The following TMEM65 variants were observed in gnomAD, a reference collection of about 807,000 sequenced individuals.
The protein encoded by TMEM65 is transmembrane protein 65.
In TMEM65, 22 loss-of-function variants were observed where a neutral mutation model predicts 25.4. The observed-to-expected ratio is 0.86, with a 90% CI of 0.62 to 1.23. The LOEUF (loss-of-function observed/expected upper bound fraction) is 1.23, where lower values mean the gene tolerates loss of function less well. Among genes scored for constraint, TMEM65 ranks in the 50% most tolerant of loss-of-function variants. The probability of loss-of-function intolerance (pLI) is 0.00; values close to 1 mark genes in which losing one functional copy is unlikely to be tolerated. For missense variants in TMEM65, 262 were observed against 308.2 expected (o/e 0.85, Z 1.12); for synonymous variants, 132 against 126.2 (o/e 1.05, Z -0.31).
chr8:124,357,827 A>ATTT (rs1814804461), intron 1 of TMEM65, among the ~76,000 whole-genome samples: 1 of 75,262 alleles, frequency 1.3e-5, no homozygotes, highest in Admixed American at 1.9e-4. Context: ...TTACTTTTTT[A>ATTT]TCTTTTTTTT....
intron 6 of TMEM65, among the ~76,000 whole-genome samples, chr8:124,318,214 T>C (rs1814260833): frequency 6.6e-6 from 1 of 151,968 alleles, no homozygotes. Context: ...GGAAGTGGAT[T>C]CATCACCAAT....
chr8:124,333,897 G>A (rs1316245693), intron 1 of TMEM65, among the ~76,000 whole-genome samples: 1 of 152,158 alleles, frequency 6.6e-6, no homozygotes, highest in Non-Finnish European at 1.5e-5. Flanking sequence ...GAGGTGCCAG[G>A]TAACCAAACA....
rs924030243 is a variant in TMEM65 at position 124,306,586 on chromosome 8, C to T, written c.*7374G>A. 3 of 152,194 alleles carry T rather than the reference C, an allele frequency of 2.0e-5. No individual in the cohort carries two copies. Among genetic ancestry groups the T allele is most frequent in the Non-Finnish European group, 4.4e-5 (3 of 68,050 alleles). The allele number at this position is 152,194 out of a possible 1,614,324, so 9.4% of individuals were successfully genotyped here. ...CTAAGAAAAAGGTGTGTCATGAATTCATATAATATATGTAGACACTAGTCT... is the reference window on the plus strand; with the variant it reads ...CTAAGAAAAAGGTGTGTCATGAATTTATATAATATATGTAGACACTAGTCT... On this transcript the variant is annotated 3_prime_UTR_variant, in exon 7 of 7. Transcript: ENST00000297632.
intron 1 of TMEM65, among the ~76,000 whole-genome samples, chr8:124,350,706 G>C (rs1371706189): frequency 6.6e-6 from 1 of 152,010 alleles, no homozygotes; most frequent in Non-Finnish European, 1.5e-5. Context: ...TATTCTGAAG[G>C]TTCCACTGTG....
At chr8:124,316,613 A>T (rs1035655964) in intron 6 of TMEM65, among the ~76,000 whole-genome samples, 4 of 152,288 alleles carry the variant, frequency 2.6e-5, no homozygotes, top group African/African-American at 9.6e-5. Context: ...ACACACACAC[A>T]CTCAATATAG....
chr8:124,360,287 G>A lies in TMEM65; in HGVS notation c.304+11567C>T, dbSNP rs540057359. Among the ~76,000 whole-genome samples the A allele has an allele frequency of 5.9e-5, 9 of 151,964 alleles. No individual in the cohort carries two copies. The South Asian group carries it at 8.3e-4, about 14-fold the overall frequency. On this transcript the variant is annotated intron_variant, in intron 1 of 6. Coordinates refer to ENST00000297632, the MANE Select transcript of TMEM65 (RefSeq NM_194291.3). The stretch of plus-strand genomic sequence containing the variant: ...CTACTAAAAATGCAAAAAATTAGCC[G>A]GGCATGGTGGCGCGCGCCTGCAGCC...
At chr8:124,321,556 CA>C (rs909910638) in intron 5 of TMEM65, among the ~76,000 whole-genome samples, 1 of 151,990 alleles carries the variant, frequency 6.6e-6, no homozygotes, top group Non-Finnish European at 1.5e-5. Context: ...GTAAAGAGAG[CA>C]AAAAACAGCC....
chr8:124,369,509 C>T (rs1814983696), intron 1 of TMEM65, among the ~76,000 whole-genome samples: 1 of 152,122 alleles, frequency 6.6e-6, no homozygotes, highest in Non-Finnish European at 1.5e-5. Flanking sequence ...TTGCCTATGG[C>T]AAGAAATAGC....
chr8:124,350,258 T>C (rs1814690733), intron 1 of TMEM65, among the ~76,000 whole-genome samples: 1 of 152,092 alleles, frequency 6.6e-6, no homozygotes, highest in Non-Finnish European at 1.5e-5. Context: ...TTTATTTAAC[T>C]CTTATCCCTA....
chr8:124,312,740 T>C lies in TMEM65; in HGVS notation c.*1220A>G, dbSNP rs1814179845. ...AAATAAGTAACTTCAACCTAAAATA[T>C]GCTTTAAATACCACAAAAGAAGAAA... On this transcript the variant is annotated 3_prime_UTR_variant, in exon 7 of 7. Transcript: ENST00000297632. 1 of 151,814 alleles carries C rather than the reference T, an allele frequency of 6.6e-6. No individual in the cohort carries two copies. The allele number at this position is 151,814 out of a possible 1,614,324, so 9.4% of individuals were successfully genotyped here. A position where few individuals can be genotyped will look rare whatever the true frequency, so the allele number is the denominator to read the frequency against.
At chr8:124,371,799 C>T (rs1563602744) in intron 1 of TMEM65, 55 bp downstream of exon 1, 4 of 1,465,012 alleles carry the variant, frequency 2.7e-6, no homozygotes, top group African/African-American at 1.5e-5. Flanking sequence ...GGTGGGCTGG[C>T]GAGAAGAGGA....
At chr8:124,339,573 A>T (rs764158824) in intron 1 of TMEM65, among the ~76,000 whole-genome samples, 9 of 151,930 alleles carry the variant, frequency 5.9e-5, no homozygotes, top group Non-Finnish European at 1.2e-4. Flanking sequence ...TCTGAAGTAT[A>T]CCTCCAGGAG....
At chr8:124,357,228 G>GT (rs1256560605) in intron 1 of TMEM65, among the ~76,000 whole-genome samples, 2 of 151,930 alleles carry the variant, frequency 1.3e-5, no homozygotes, top group East Asian at 3.9e-4. Flanking sequence ...ACCTATATGG[G>GT]TAGAAGTCCC....
chr8:124,320,062 T>C (rs2131195988), intron 6 of TMEM65, 24 bp downstream of exon 6: 1 of 1,583,946 alleles, frequency 6.3e-7, no homozygotes, highest in East Asian at 2.2e-5. Flanking sequence ...CAACTCATTA[T>C]CATAAACCAT....
Position 124,330,950 on chromosome 8 carries a change from G to T in TMEM65, c.305-158C>A, listed in dbSNP as rs139992367. Among the ~76,000 whole-genome samples the T allele has an allele frequency of 8.6e-3, 1,306 of 152,046 alleles. 18 individuals carry two copies. Among genetic ancestry groups the T allele is most frequent in the African/African-American group, 0.028 (1,182 of 41,532 alleles). The stretch of plus-strand genomic sequence containing the variant: ...TTAAGGGACCACATTTGTCCATACA[G>T]AAAATATTAATCAGTATGGATTAAA... On this transcript the variant is annotated intron_variant, in intron 1 of 6. Transcript: ENST00000297632.
chr8:124,331,794 A>G (rs10093812), intron 1 of TMEM65, among the ~76,000 whole-genome samples: 15,133 of 152,030 alleles, frequency 0.1, 807 homozygotes, highest in East Asian at 0.15. Flanking sequence ...CGCATTACAA[A>G]CTAGATGTAC....
intron 1 of TMEM65, among the ~76,000 whole-genome samples, chr8:124,332,895 T>C (rs1050778904): frequency 6.6e-6 from 1 of 152,074 alleles, no homozygotes; most frequent in East Asian, 1.9e-4. Flanking sequence ...AGCCTCCACC[T>C]CCCAGATTTA....
At position 124,310,936 on chromosome 8, in the gene TMEM65, GTTATA is replaced by G. The variant is rs1419553865; in HGVS notation, c.*3019_*3023del. On this transcript the variant is annotated 3_prime_UTR_variant, in exon 7 of 7. Coordinates refer to ENST00000297632, the MANE Select transcript of TMEM65 (RefSeq NM_194291.3). ...ATAATGCTTAGCCACTAAGAAAAAG[GTTATA>G]TTATATTTAATATACTGTCTTAAGA... 3 of 151,904 alleles carry G rather than the reference GTTATA, an allele frequency of 2.0e-5. No individual in the cohort carries two copies. The highest frequency in any genetic ancestry group is 4.4e-5 in the Non-Finnish European group (3 of 67,962). 9.4% of individuals were successfully genotyped at this position (151,904 alleles called of 1,614,324 possible). A position where few individuals can be genotyped will look rare whatever the true frequency, so the allele number is the denominator to read the frequency against.
chr8:124,325,504 A>G (rs1005488944), intron 3 of TMEM65, among the ~76,000 whole-genome samples: 14 of 151,988 alleles, frequency 9.2e-5, no homozygotes, highest in African/African-American at 3.4e-4. Flanking sequence ...TGGCTTAAAC[A>G]TTTATTTCAG....
Sources: allele counts gnomAD v4.1 joint callset (sites outside exome capture counted in the v4.1 genomes callset), GRCh38; gene constraint gnomAD v4.1.1; transcripts MANE v1.5; gene names NCBI Gene and HGNC (gene_info 2026-07-23, HGNC 2026-07-21).